Variants in IL17RA observed in about 807,000 individuals in gnomAD.
The protein encoded by IL17RA is interleukin 17 receptor A.
A neutral mutation model predicts 50.4 loss-of-function variants in IL17RA; 34 were observed. The ratio of observed to expected loss-of-function variants is 0.67; its 90% CI spans 0.51 to 0.90. The LOEUF is 0.90. IL17RA is among the 40% of genes least tolerant of loss of function. The probability of loss-of-function intolerance (pLI) is 0.00; values close to 1 mark genes in which losing one functional copy is unlikely to be tolerated. For synonymous variants in IL17RA, 585 were observed against 510.4 expected, an observed-to-expected ratio of 1.15 and a Z score of -1.97; for missense variants, 1,276 against 1,169.8, an observed-to-expected ratio of 1.09 and a Z score of -1.32.
Position 17,105,853 on chromosome 22 carries a change from A to G in IL17RA, c.944A>G (p.Asp315Gly). ...ACTCACGCTGTTCTGCTCACCGCAG[A>G]CTACATGCCCCTGTGGGTGTACTGG... is the stretch of plus-strand genomic sequence containing the variant. ...EMPDTPEPIP[D>G]YMPLWVYWFI... The change falls in exon 11 of 13, where the codon GAC becomes GGC. Residue 315 changes from aspartate to glycine, a missense_variant and splice_region_variant. Asp to Gly is a moderately conservative substitution (Grantham distance 94, BLOSUM62 -1). Transcript: ENST00000319363. 1.2e-6 allele frequency: 2 copies of G among 1,613,590 alleles called. No individual in the cohort carries two copies. The highest frequency in any genetic ancestry group is 1.3e-5 in the African/African-American group (1 of 75,024).
Position 17,109,102 on chromosome 22 carries a change from G to GCTCCCAGGCCTGC in IL17RA, c.1886_1898dup (p.Ala634ProfsTer59), listed in dbSNP as rs1568923898. ...CGGGCGCCCCTGGTGCGCGAGCCTG[G>GCTCCCAGGCCTGC]CTCCCAGGCCTGCCTGGCCATAGAC... is the stretch of plus-strand genomic sequence containing the variant. On this transcript the variant is annotated frameshift_variant, in exon 13 of 13. Coordinates refer to ENST00000319363, the MANE Select transcript of IL17RA (RefSeq NM_014339.7). LOFTEE classifies it low-confidence loss of function (END_TRUNC). The GCTCCCAGGCCTGC allele has an allele frequency of 2.6e-6, 4 of 1,560,374 alleles. No homozygotes were observed. Among genetic ancestry groups the GCTCCCAGGCCTGC allele is most frequent in the Non-Finnish European group, 3.4e-6 (4 of 1,161,190 alleles).
In IL17RA at chr22:17,105,722, G is replaced by GT. The variant is rs1555874494; in HGVS notation, c.943+120_943+121insT. ...GCTGAACCGAGGCCAGCCCGGGGTG[G>GT]GGGGTGAGACCATGGTTTGTCGTGG... On this transcript the variant is annotated intron_variant, in intron 10 of 12. Transcript: ENST00000319363. The GT allele has an allele frequency of 2.9e-6, 4 of 1,387,190 alleles. No homozygotes were observed. The African/African-American group carries it at 4.4e-5, about 15-fold the overall frequency. The allele number at this position is 1,387,190 out of a possible 1,614,324, so 85.9% of individuals were successfully genotyped here.
chr22:17,097,972 G>C, intron 3 of IL17RA, 29 bp downstream of exon 3: 1 of 1,613,078 alleles, frequency 6.2e-7, no homozygotes, highest in African/African-American at 1.3e-5. Flanking sequence ...AGGGCCCTGG[G>C]GGATTCTCCC....
In IL17RA at chr22:17,115,336, T is replaced by C. The variant is rs2061463036; in HGVS notation, c.*5516T>C. On this transcript the variant is annotated 3_prime_UTR_variant, in exon 13 of 13. Transcript: ENST00000319363. ...AAAGGACCATTTCACATGTGTCACC[T>C]CATGTGATTCTCACCACAGCCCTGT... 1 of 152,270 alleles carries C rather than the reference T, an allele frequency of 6.6e-6. No homozygotes were observed. The highest frequency in any genetic ancestry group is 2.4e-5 in the African/African-American group (1 of 41,470). The allele number at this position is 152,270 out of a possible 1,614,324, so 9.4% of individuals were successfully genotyped here. A position where few individuals can be genotyped will look rare whatever the true frequency, so the allele number is the denominator to read the frequency against.
At chr22:17,086,446 A>T (rs143419263) in intron 1 of IL17RA, among the ~76,000 whole-genome samples, 2 of 152,102 alleles carry the variant, frequency 1.3e-5, no homozygotes, top group African/African-American at 4.8e-5. Flanking sequence ...TGGGCAAAGC[A>T]GGTCCCTCTG....
At chr22:17,100,565 G>C in intron 5 of IL17RA, 84 bp downstream of exon 5, 1 of 1,545,572 alleles carries the variant, frequency 6.5e-7, no homozygotes. Context: ...CAGCCCCCCT[G>C]CTCAGCAAGA....
At chr22:17,085,884 C>T (rs2061325795) in intron 1 of IL17RA, among the ~76,000 whole-genome samples, 1 of 152,212 alleles carries the variant, frequency 6.6e-6, no homozygotes, top group South Asian at 2.1e-4. Flanking sequence ...TCGGGGAGAG[C>T]TCTGCCGAGG....
chr22:17,094,691 C>CTATATATATATATA (rs1188416715), intron 1 of IL17RA, among the ~76,000 whole-genome samples: 28 of 24,682 alleles, frequency 1.1e-3, no homozygotes, highest in African/African-American at 3.4e-3. Flanking sequence ...CTCTCTCTCT[C>CTATATATATATATA]TATATATATA....
chr22:17,105,454 A>G, intron 9 of IL17RA, 137 bp from the exon 10 acceptor site: 1 of 868,798 alleles, frequency 1.2e-6, no homozygotes, highest in Non-Finnish European at 2.0e-6. Flanking sequence ...TGGTTTCATT[A>G]AGTTCAACCT....
In IL17RA at chr22:17,107,713, C is replaced by A. The variant is rs1412691538; in HGVS notation, c.1046-14C>A. ...CCCAAAGAACCACTCCAGTGTATTTCTTTTCCTTTCCAGGGCCTGGAAGTG... is the reference window on the plus strand; with the variant it reads ...CCCAAAGAACCACTCCAGTGTATTTATTTTCCTTTCCAGGGCCTGGAAGTG... On this transcript the variant is annotated splice_polypyrimidine_tract_variant and intron_variant, in intron 11 of 12. Coordinates refer to ENST00000319363, the MANE Select transcript of IL17RA (RefSeq NM_014339.7). 5 of 1,610,878 alleles carry A rather than the reference C, an allele frequency of 3.1e-6. No homozygotes were observed. Among genetic ancestry groups the A allele is most frequent in the South Asian group, 2.2e-5 (2 of 91,040 alleles).
chr22:17,085,347 G>C, intron 1 of IL17RA, 118 bp downstream of exon 1: 1 of 1,486,090 alleles, frequency 6.7e-7, no homozygotes, highest in Non-Finnish European at 8.9e-7. Flanking sequence ...AGTCCGCGCC[G>C]CGGGCTTAGA....
chr22:17,098,066 T>A, intron 3 of IL17RA, 123 bp downstream of exon 3: 2 of 1,120,356 alleles, frequency 1.8e-6, no homozygotes, highest in South Asian at 1.3e-5. Context: ...TTTAGTGCTA[T>A]AAGGATCCGT....
At chr22:17,107,872 T>G in intron 12 of IL17RA, 104 bp downstream of exon 12, 1 of 1,005,162 alleles carries the variant, frequency 9.9e-7, no homozygotes, top group Non-Finnish European at 1.6e-6. Flanking sequence ...CCCAAGTCCC[T>G]TCAGGAGACC....
Position 17,109,510 on chromosome 22 carries a change from C to G in IL17RA, c.2291C>G (p.Ala764Gly), listed in dbSNP as rs1241014831. Residue 764 changes from alanine to glycine, a missense_variant, in exon 13 of 13, where the codon GCC becomes GGC. Physicochemically the swap from Ala to Gly is moderately conservative, Grantham distance 60. Coordinates refer to ENST00000319363, the MANE Select transcript of IL17RA (RefSeq NM_014339.7). ...TTCGAGCAGAGTCTGAGCTGCCAGG[C>G]CCAGGGGGGCTGCAGTAGACCCGCC... ...SLFEQSLSCQ[A>G]QGGCSRPAMV... 2 of 1,598,634 alleles carry G rather than the reference C, an allele frequency of 1.3e-6. No homozygotes were observed. The highest frequency in any genetic ancestry group is 4.5e-5 in the East Asian group (2 of 44,340).
chr22:17,105,477 C>T lies in IL17RA; in HGVS notation c.932-114C>T, dbSNP rs2061410228. 1.1e-5 allele frequency: 11 copies of T among 1,003,426 alleles called. No individual in the cohort carries two copies. In the South Asian group the frequency reaches 1.4e-4, roughly 13 times the overall value. The allele number at this position is 1,003,426 out of a possible 1,614,324, so 62.2% of individuals were successfully genotyped here. A position where few individuals can be genotyped will look rare whatever the true frequency, so the allele number is the denominator to read the frequency against. ...TTAAGTTCAACCTGGATCTAGAGTGCCTGGTGCAGGGCCAACATCATTAAA... is the reference window on the plus strand; with the variant it reads ...TTAAGTTCAACCTGGATCTAGAGTGTCTGGTGCAGGGCCAACATCATTAAA... On this transcript the variant is annotated intron_variant, in intron 9 of 12. Coordinates refer to ENST00000319363, the MANE Select transcript of IL17RA (RefSeq NM_014339.7).
intron 1 of IL17RA, among the ~76,000 whole-genome samples, chr22:17,087,790 C>G (rs1231646588): frequency 6.6e-6 from 1 of 152,156 alleles, no homozygotes; most frequent in Non-Finnish European, 1.5e-5. Flanking sequence ...GGAGGAATGC[C>G]CATAGGAAAG....
chr22:17,100,285 G>C (rs1361320822), intron 4 of IL17RA, 70 bp from the exon 5 acceptor site: 6 of 1,593,152 alleles, frequency 3.8e-6, no homozygotes, highest in Non-Finnish European at 4.3e-6. Flanking sequence ...GGGAACGGGG[G>C]TCTTTGGGCA....
In IL17RA at chr22:17,096,838, C is replaced by T. The variant is rs375593176; in HGVS notation, c.139-224C>T. ...TGAGCTGAGATCGCGCCACTGCACT[C>T]CAGCCTGGGCGACAGAGCAAGACTC... On this transcript the variant is annotated intron_variant, in intron 1 of 12. Coordinates refer to ENST00000319363, the MANE Select transcript of IL17RA (RefSeq NM_014339.7). Among the ~76,000 whole-genome samples, 9 of 149,512 alleles carry T rather than the reference C, an allele frequency of 6.0e-5. 1 individual carries two copies. Among genetic ancestry groups the T allele is most frequent in the East Asian group, 4.0e-4 (2 of 5,052 alleles).
rs748641311 is a variant in IL17RA at position 17,109,071 on chromosome 22, G to A, written c.1852G>A (p.Val618Met). 2 of 1,581,966 alleles carry A rather than the reference G, an allele frequency of 1.3e-6. No homozygotes were observed. The highest frequency in any genetic ancestry group is 2.3e-5 in the East Asian group (1 of 44,168). The part of the protein sequence containing the change: ...EPLLPPGTGI[V>M]KRAPLVREPG... The stretch of plus-strand genomic sequence containing the variant: ...ACTGCTGCCTCCGGGAACCGGCATC[G>A]TGAAGCGGGCGCCCCTGGTGCGCGA... The change falls in exon 13 of 13, where the codon GTG (valine) becomes ATG (methionine). Residue 618 changes from valine (V) to methionine (M), a missense_variant. Physicochemically the swap from Val to Met is conservative, Grantham distance 21. Coordinates refer to ENST00000319363, the MANE Select transcript of IL17RA (RefSeq NM_014339.7).
Sources: gnomAD v4.1 joint callset for allele counts (sites outside exome capture counted in the v4.1 genomes callset) on GRCh38, gnomAD v4.1.1 for gene constraint, MANE v1.5 for transcripts, NCBI Gene and HGNC (gene_info 2026-07-23, HGNC 2026-07-21) for gene names.